The following GCN1 variants were observed in gnomAD, a reference collection of about 807,000 sequenced individuals.
GCN1 encodes GCN1 activator of EIF2AK4.
A neutral mutation model predicts 288.4 loss-of-function variants in GCN1; 90 were observed. The ratio of observed to expected loss-of-function variants is 0.31; its 90% CI spans 0.26 to 0.37. The LOEUF (loss-of-function observed/expected upper bound fraction) is 0.37. Among genes scored for constraint, GCN1 ranks in the 10% least tolerant of loss-of-function variants. GCN1 has a pLI of 1.00. For synonymous variants in GCN1, 1,386 were observed against 1,420.2 expected (o/e 0.98, Z 0.54); for missense variants, 2,586 against 3,419.9 (o/e 0.76, Z 6.08).
intron 2 of GCN1, among the ~76,000 whole-genome samples, chr12:120,185,942 G>T (rs1179026878): frequency 6.6e-6 from 1 of 152,160 alleles, no homozygotes; most frequent in African/African-American, 2.4e-5. Flanking sequence ...GGGAAACCAA[G>T]CCAGCCAGTC....
At chr12:120,128,470 A>G (rs199671016) in intron 57 of GCN1, among the ~76,000 whole-genome samples, 5 of 151,294 alleles carry the variant, frequency 3.3e-5, no homozygotes, top group Non-Finnish European at 1.5e-5. Context: ...CGAGTAGCTG[A>G]GATTACAGAC....
At chr12:120,169,343 AAAT>A (rs894354829) in intron 15 of GCN1, among the ~76,000 whole-genome samples, 2 of 148,564 alleles carry the variant, frequency 1.3e-5, no homozygotes, top group South Asian at 2.1e-4. Flanking sequence ...TAGCCACAAA[AAAT>A]AATGAGAAAG....
In GCN1 at chr12:120,147,205, G is replaced by C. The variant is rs755915412; in HGVS notation, c.4794C>G (p.Thr1598=). 27 of 1,612,870 alleles carry C rather than the reference G, an allele frequency of 1.7e-5. No homozygotes were observed. In the Middle Eastern group the frequency reaches 5.0e-4, roughly 30 times the overall value. ...PSRKTQKCLQ[T]LLDTKFVHFI... is the part of the protein sequence containing the mutation. The stretch of plus-strand genomic sequence containing the variant: ...AGTGGACAAACTTGGTGTCCAGCAG[G>C]GTCTGCAAGCACTTCTGGGTCTTCC... The change falls in exon 38 of 58, where the codon ACC becomes ACG. Residue 1598 remains threonine (T), a synonymous_variant. Coordinates refer to ENST00000300648, the MANE Select transcript of GCN1 (RefSeq NM_006836.2).
At chr12:120,183,765 G>C in intron 4 of GCN1, 88 bp from the exon 5 acceptor site, 1 of 789,238 alleles carries the variant, frequency 1.3e-6, no homozygotes, top group Admixed American at 1.8e-5. Context: ...TGGTAATGCA[G>C]GACCCTCCCT....
intron 15 of GCN1, among the ~76,000 whole-genome samples, chr12:120,169,276 CAAAAAAAAAAAAAAAAAAA>C (rs1878236547): frequency 3.0e-5 from 2 of 66,674 alleles, no homozygotes; most frequent in African/African-American, 6.6e-5. Flanking sequence ...AACTCCGTCT[CAAAAAAAAAAAAAAAAAAA>C]GAAAAAAAAA....
intron 24 of GCN1, 70 bp downstream of exon 24, chr12:120,159,755 G>T: frequency 7.3e-7 from 1 of 1,373,818 alleles, no homozygotes; most frequent in Non-Finnish European, 1.0e-6. Context: ...CAAGCACTCA[G>T]GGGCACACCC....
At chr12:120,152,513 A>G (rs1202310903) in intron 33 of GCN1, among the ~76,000 whole-genome samples, 2 of 133,458 alleles carry the variant, frequency 1.5e-5, no homozygotes, top group African/African-American at 2.9e-5. Context: ...TAGAGGCTAC[A>G]TTAAAACGCA....
In GCN1 at chr12:120,160,152, C is replaced by T. The variant is rs988502218; in HGVS notation, c.2540G>A (p.Arg847Gln). 3.1e-6 allele frequency: 5 copies of T among 1,611,762 alleles called. No individual in the cohort carries two copies. Among genetic ancestry groups the T allele is most frequent in the African/African-American group, 1.3e-5 (1 of 74,936 alleles). Residue 847 changes from arginine to glutamine, a missense_variant, in exon 23 of 58, where the codon CGG becomes CAG. Arg to Gln is a conservative substitution (Grantham distance 43, BLOSUM62 1). Coordinates refer to ENST00000300648, the MANE Select transcript of GCN1 (RefSeq NM_006836.2). ...GAGGTGGCCACTCACCTCCTGCAGCCGCCTCCGGACCTGCGCCTCCCTGTC... is the reference window on the plus strand; with the variant it reads ...GAGGTGGCCACTCACCTCCTGCAGCTGCCTCCGGACCTGCGCCTCCCTGTC... The part of the protein sequence containing the change: ...QLDREAQVRR[R>Q]LQELDGELEA...
In GCN1 at chr12:120,162,968, G is replaced by A; in HGVS notation, c.2042C>T (p.Ala681Val). ...LIISHHPSLV[A>V]VQSGLWPALL... The stretch of plus-strand genomic sequence containing the variant: ...TGCTGGCCAAAGTCCAGACTGCACG[G>A]CAACTGAAGGGGAAGGGAGCTCTTT... The change falls in exon 20 of 58, where the codon GCC becomes GTC. Residue 681 changes from alanine to valine, a missense_variant. Physicochemically the swap from Ala to Val is moderately conservative, Grantham distance 64 (BLOSUM62 0). Coordinates refer to ENST00000300648, the MANE Select transcript of GCN1 (RefSeq NM_006836.2). 2 of 1,614,216 alleles carry A rather than the reference G, an allele frequency of 1.2e-6. No homozygotes were observed. Among genetic ancestry groups the A allele is most frequent in the Non-Finnish European group, 1.7e-6 (2 of 1,180,030 alleles).
At chr12:120,175,995 CAAGA>C in intron 10 of GCN1, 121 bp from the exon 11 acceptor site, 6 of 1,407,772 alleles carry the variant, frequency 4.3e-6, no homozygotes, top group South Asian at 2.4e-5. Flanking sequence ...CAAATAATCT[CAAGA>C]AAGAAACTGC....
chr12:120,138,241 G>C, intron 47 of GCN1, 82 bp downstream of exon 47: 1 of 1,005,126 alleles, frequency 9.9e-7, no homozygotes, highest in Admixed American at 1.7e-5. Flanking sequence ...CAACATCTAC[G>C]TTCAGAACTG....
At chr12:120,173,980 G>T in intron 13 of GCN1, 91 bp downstream of exon 13, 1 of 1,025,804 alleles carries the variant, frequency 9.7e-7, no homozygotes. Context: ...TGTGTCTTTA[G>T]GAGAGGTTTA....
Position 120,149,645 on chromosome 12 carries a change from G to C in GCN1, c.4507C>G (p.Leu1503Val). 6.2e-7 allele frequency: 1 copy of C among 1,613,926 alleles called. No individual in the cohort carries two copies. Among genetic ancestry groups the C allele is most frequent in the Non-Finnish European group, 8.5e-7 (1 of 1,179,874 alleles). The change falls in exon 36 of 58, where the codon CTG becomes GTG. Residue 1503 changes from leucine (L) to valine (V), a missense_variant. By Grantham distance (32) the Leu-to-Val change is conservative. Coordinates refer to ENST00000300648, the MANE Select transcript of GCN1 (RefSeq NM_006836.2). ...HGVKLVLPSL[L>V]AALEEESWRT... is the part of the protein sequence containing the mutation. ...CACGATTCCTCCTCCAGGGCAGCCA[G>C]TAAGGAGGGGAGCACCAGCTTCACC...
Position 120,161,892 on chromosome 12 carries a change from G to C in GCN1, c.2330C>G (p.Ser777Cys), listed in dbSNP as rs1320969892. The change falls in exon 21 of 58, where the codon TCC (serine) becomes TGC (cysteine). Residue 777 changes from serine (S) to cysteine (C), a missense_variant. By Grantham distance (112) the Ser-to-Cys change is moderately radical. Around this residue, in one of 8 missense-constraint regions of GCN1, gnomAD observed 913 missense variants for 1,107.0 expected, o/e 0.82. Coordinates refer to ENST00000300648, the MANE Select transcript of GCN1 (RefSeq NM_006836.2). ...QTPAGELYDK[S>C]IIQSAQQDSI... is the part of the protein sequence containing the mutation. Reference sequence around the variant, plus strand: ...AGTGAGGTCTCACCTCTGAATGATGGATTTGTCATACAGCTCCCCAGCAGG... The same window carrying C: ...AGTGAGGTCTCACCTCTGAATGATGCATTTGTCATACAGCTCCCCAGCAGG... 1 of 1,613,938 alleles carries C rather than the reference G, an allele frequency of 6.2e-7. No individual in the cohort carries two copies. Among genetic ancestry groups the C allele is most frequent in the African/African-American group, 1.3e-5 (1 of 74,922 alleles).
chr12:120,151,493 C>A, intron 33 of GCN1, 102 bp from the exon 34 acceptor site: 2 of 1,231,604 alleles, frequency 1.6e-6, no homozygotes, highest in East Asian at 2.5e-5. Flanking sequence ...CTAGATGTCC[C>A]AAGCCCCATC....
intron 22 of GCN1, among the ~76,000 whole-genome samples, chr12:120,161,167 G>T (rs931554434): frequency 6.6e-6 from 1 of 152,204 alleles, no homozygotes; most frequent in African/African-American, 2.4e-5. Flanking sequence ...CTGCTATCAG[G>T]AGTCTAGATG....
rs73410899 is a variant in GCN1 at position 120,132,663 on chromosome 12, G to A, written c.7318-641C>T. Among the ~76,000 whole-genome samples, 359 of 152,318 alleles carry A rather than the reference G, an allele frequency of 2.4e-3. 2 individuals carry two copies. The highest frequency in any genetic ancestry group is 8.3e-3 in the African/African-American group (343 of 41,552). On this transcript the variant is annotated intron_variant, in intron 53 of 57. Coordinates refer to ENST00000300648, the MANE Select transcript of GCN1 (RefSeq NM_006836.2). ...TCAAATCAGAGCCAGGTACGCGAGC[G>A]GCTCCGTGCTCCTCCCTGGCCAGCT...
At position 120,155,818 on chromosome 12, in the gene GCN1, G is replaced by C. The variant is rs1376249144; in HGVS notation, c.3313-99C>G. ...TCTAGGTTGTACTGTCCAAGATGTA[G>C]CCACTAACCGCATGTGGCTAAAGTT... On this transcript the variant is annotated intron_variant, in intron 28 of 57. Coordinates refer to ENST00000300648, the MANE Select transcript of GCN1 (RefSeq NM_006836.2). The surrounding 1 kb of genome is among the most constrained non-coding windows in gnomAD (Gnocchi z 4.9). The C allele has an allele frequency of 4.4e-6, 5 of 1,123,882 alleles. No individual in the cohort carries two copies. The highest frequency in any genetic ancestry group is 2.1e-5 in the Admixed American group (1 of 48,494). The allele number at this position is 1,123,882 out of a possible 1,614,324, so 69.6% of individuals were successfully genotyped here.
rs866105483 is a variant in GCN1 at position 120,164,138 on chromosome 12, A to T, written c.1848+198T>A. Among the ~76,000 whole-genome samples the T allele has an allele frequency of 3.9e-5, 6 of 152,340 alleles. No individual in the cohort carries two copies. In the South Asian group the frequency reaches 1.2e-3, roughly 32 times the overall value. The stretch of plus-strand genomic sequence containing the variant: ...AACCCTGGAAAAAAGGTTAAGCTAC[A>T]TGTGAAAAAAAGTCTCTGAAAAGGA... On this transcript the variant is annotated intron_variant, in intron 18 of 57. Transcript: ENST00000300648.
Sources: gnomAD v4.1 joint callset for allele counts (sites outside exome capture counted in the v4.1 genomes callset) on GRCh38, gnomAD v4.1.1 for gene constraint, gnomAD v4.1.1 regional missense constraint, Gnocchi (gnomAD v3.1) non-coding constraint, MANE v1.5 for transcripts, NCBI Gene and HGNC (gene_info 2026-07-23, HGNC 2026-07-21) for gene names.